DLG2: variants seen among roughly 807,000 people sequenced by gnomAD.
DLG2 encodes discs large MAGUK scaffold protein 2.
In DLG2, 45 loss-of-function variants were observed where a neutral mutation model predicts 132.5. The ratio of observed to expected loss-of-function variants is 0.34; its 90% confidence interval spans 0.27 to 0.44. DLG2 has a LOEUF of 0.44. Among genes scored for constraint, DLG2 ranks in the 20% least tolerant of loss-of-function variants. The pLI is 1.00. For missense variants in DLG2, 1,045 were observed against 1,196.9 expected (o/e 0.87, Z 1.87); for synonymous variants, 424 against 419.6 (o/e 1.01, Z -0.13).
At chr11:84,333,209 G>A (rs921388107) in intron 7 of DLG2, among the ~76,000 whole-genome samples, 9 of 152,196 alleles carry the variant, frequency 5.9e-5, no homozygotes, top group African/African-American at 1.9e-4. Context: ...TGGAAATTGC[G>A]TTGCTAAATT....
intron 9 of DLG2, among the ~76,000 whole-genome samples, chr11:84,143,132 C>T (rs889637422): frequency 6.6e-6 from 1 of 151,956 alleles, no homozygotes; most frequent in Admixed American, 6.6e-5. Context: ...TACCTTGTGC[C>T]AGGTGCTGGG....
chr11:83,988,790 C>T (rs2093516957), intron 11 of DLG2, among the ~76,000 whole-genome samples: 1 of 152,068 alleles, frequency 6.6e-6, no homozygotes, highest in South Asian at 2.1e-4. Context: ...AACCTAAGCT[C>T]CCTATTTAAT....
At chr11:83,602,325 A>G (rs1303879509) in intron 19 of DLG2, among the ~76,000 whole-genome samples, 1 of 152,248 alleles carries the variant, frequency 6.6e-6, no homozygotes, top group African/African-American at 2.4e-5. Flanking sequence ...GTGCGTTCAT[A>G]CAGATTAGTC....
At chr11:85,510,600 C>T (rs1423669117) in intron 3 of DLG2, among the ~76,000 whole-genome samples, 2 of 152,112 alleles carry the variant, frequency 1.3e-5, no homozygotes, top group Non-Finnish European at 2.9e-5. Context: ...GACATTTATG[C>T]AGCCAAAAAA....
At chr11:84,009,766 T>A (rs1299027219) in intron 11 of DLG2, among the ~76,000 whole-genome samples, 2 of 152,134 alleles carry the variant, frequency 1.3e-5, no homozygotes, top group African/African-American at 4.8e-5. Context: ...ATTTACTATA[T>A]GCTAGGTACA....
At chr11:83,722,426 G>A (rs2088850724) in intron 18 of DLG2, among the ~76,000 whole-genome samples, 1 of 152,174 alleles carries the variant, frequency 6.6e-6, no homozygotes, top group Non-Finnish European at 1.5e-5. Flanking sequence ...GCCTGTAGAG[G>A]AGTTGTGGGA....
chr11:84,421,921 C>T (rs1158733123), intron 7 of DLG2, among the ~76,000 whole-genome samples: 1 of 152,192 alleles, frequency 6.6e-6, no homozygotes, highest in African/African-American at 2.4e-5. Flanking sequence ...ATCATCCCCT[C>T]TCCGAGGCCT....
chr11:84,121,334 G>A (rs1298256994), intron 9 of DLG2, among the ~76,000 whole-genome samples: 1 of 151,950 alleles, frequency 6.6e-6, no homozygotes, highest in East Asian at 1.9e-4. Flanking sequence ...CTGGTTATCT[G>A]GTATATAGCA....
intron 3 of DLG2, among the ~76,000 whole-genome samples, chr11:85,324,326 A>G (rs1483247059): frequency 6.6e-6 from 1 of 152,168 alleles, no homozygotes; most frequent in Non-Finnish European, 1.5e-5. Context: ...CTTTCCTGCT[A>G]GATAGACTAT....
intron 6 of DLG2, among the ~76,000 whole-genome samples, chr11:84,535,783 T>C (rs1298560401): frequency 6.6e-6 from 1 of 152,160 alleles, no homozygotes; most frequent in Non-Finnish European, 1.5e-5. Context: ...CTTAATCAGA[T>C]AATAAAGTGT....
intron 18 of DLG2, among the ~76,000 whole-genome samples, chr11:83,728,741 A>G (rs968905576): frequency 6.6e-6 from 1 of 152,224 alleles, no homozygotes; most frequent in Admixed American, 6.5e-5. Flanking sequence ...CATGCCAGCA[A>G]CACTCTTGTC....
chr11:83,547,935 C>T (rs1453845852), intron 19 of DLG2, among the ~76,000 whole-genome samples: 1 of 151,992 alleles, frequency 6.6e-6, no homozygotes. Flanking sequence ...TAGAAGAAAA[C>T]CTAGATTGCT....
chr11:84,068,400 T>C (rs1050802429), intron 10 of DLG2, among the ~76,000 whole-genome samples: 1 of 152,256 alleles, frequency 6.6e-6, no homozygotes, highest in African/African-American at 2.4e-5. Context: ...ACATGTGTTA[T>C]CTCCCTTAGC....
At chr11:84,112,151 C>T (rs370034639) in intron 9 of DLG2, among the ~76,000 whole-genome samples, 1 of 151,856 alleles carries the variant, frequency 6.6e-6, no homozygotes, top group Non-Finnish European at 1.5e-5. Flanking sequence ...AGGCGCCTGC[C>T]GCCACACCCA....
At chr11:84,040,013 G>A (rs2154104075) in intron 11 of DLG2, among the ~76,000 whole-genome samples, 1 of 151,208 alleles carries the variant, frequency 6.6e-6, no homozygotes, top group African/African-American at 2.4e-5. Context: ...CTGCATAAAT[G>A]TCTTCTTTTG....
rs573231734 is a variant in DLG2 at position 85,546,387 on chromosome 11, T to G, written c.40+52270A>C. On this transcript the variant is annotated intron_variant, in intron 3 of 27. Transcript: ENST00000376104. ...TGTTATGATTTCCGTTCTTTTGCAT[T>G]TGCTGAGGAGTGTTTTACTTCCAAT... 6.8e-4 allele frequency among the ~76,000 whole-genome samples: 104 copies of G among 152,324 alleles called. 1 individual carries two copies. The highest frequency in any genetic ancestry group is 2.5e-3 in the African/African-American group (103 of 41,556).
intron 6 of DLG2, among the ~76,000 whole-genome samples, chr11:84,669,662 C>T (rs1169323267): frequency 6.6e-6 from 1 of 152,078 alleles, no homozygotes; most frequent in Non-Finnish European, 1.5e-5. Context: ...ACACTTTGAC[C>T]ACATTTCACA....
At chr11:84,075,353 T>C (rs2096814821) in intron 10 of DLG2, among the ~76,000 whole-genome samples, 1 of 152,212 alleles carries the variant, frequency 6.6e-6, no homozygotes, top group East Asian at 1.9e-4. Context: ...GTAGGAGCCT[T>C]GTCTGTCTGG....
At chr11:84,615,366 A>G (rs557685792) in intron 6 of DLG2, among the ~76,000 whole-genome samples, 28 of 152,188 alleles carry the variant, frequency 1.8e-4, no homozygotes, top group African/African-American at 5.8e-4. Context: ...ACCATCTAAC[A>G]CTAACTACTA....
Sources: gnomAD v4.1 joint callset for allele counts (sites outside exome capture counted in the v4.1 genomes callset) on GRCh38, gnomAD v4.1.1 for gene constraint, MANE v1.5 for transcripts, NCBI Gene and HGNC (gene_info 2026-07-23, HGNC 2026-07-21) for gene names.